Variants in UTRN observed in about 807,000 individuals in gnomAD.
UTRN encodes dystrophin-related protein 1.
A neutral mutation model predicts 463.9 loss-of-function variants in UTRN; 283 were observed. The ratio of observed to expected loss-of-function variants is 0.61; its 90% confidence interval spans 0.55 to 0.67. UTRN has a LOEUF of 0.67. Ranked by LOEUF, UTRN falls within the 30% of genes least tolerant of loss-of-function variation. The probability of loss-of-function intolerance (pLI) is 0.00; values close to 1 mark genes in which losing one functional copy is unlikely to be tolerated. For synonymous variants in UTRN, 1,442 were observed against 1,431.5 expected, an observed-to-expected ratio of 1.01 and a Z score of -0.17; for missense variants, 3,922 against 4,084.3, an observed-to-expected ratio of 0.96 and a Z score of 1.08.
intron 39 of UTRN, among the ~76,000 whole-genome samples, chr6:144,517,303 T>C (rs1278846281): frequency 6.6e-6 from 1 of 152,082 alleles, no homozygotes; most frequent in Non-Finnish European, 1.5e-5. Flanking sequence ...GTGAAAGTGA[T>C]GTAATATGAT....
rs559218969 is a variant in UTRN, at chr6:144,592,347, C to A, written c.7479+15059C>A. ...CATAACTGGACCAAAAGGACCAGAA[C>A]AATGAAAAGCTTTTTAAATTTTTAA... is the stretch of plus-strand genomic sequence containing the variant. On this transcript the variant is annotated intron_variant, in intron 51 of 74. Transcript: ENST00000367545. Among the ~76,000 whole-genome samples the A allele has an allele frequency of 5.9e-5, 9 of 152,040 alleles. 1 individual carries two copies. In the South Asian group the frequency reaches 1.7e-3, roughly 28 times the overall value.
At chr6:144,315,334 G>T (rs563658005) in intron 2 of UTRN, among the ~76,000 whole-genome samples, 65 of 152,284 alleles carry the variant, frequency 4.3e-4, no homozygotes, top group African/African-American at 1.4e-3. Flanking sequence ...GGGGCAGTAG[G>T]TCAGTCAGGG....
Position 144,554,910 on chromosome 6 carries a change from A to G in UTRN, c.7134+17A>G, listed in dbSNP as rs1250590372. On this transcript the variant is annotated intron_variant, in intron 49 of 74. Coordinates refer to ENST00000367545, the MANE Select transcript of UTRN (RefSeq NM_007124.3). ...GATAACCAAGTAAGACTCATCAGAT[A>G]TTTTTTGGCAGTATTGTTTTGTTGG... 1 of 1,612,978 alleles carries G rather than the reference A, an allele frequency of 6.2e-7. No individual in the cohort carries two copies. Among genetic ancestry groups the G allele is most frequent in the African/African-American group, 1.3e-5 (1 of 74,840 alleles).
At chr6:144,333,167 C>T (rs1776461441) in intron 2 of UTRN, 1 of 152,144 alleles carries the variant, frequency 6.6e-6, no homozygotes, top group Non-Finnish European at 1.5e-5. Context: ...TCTCGAACTC[C>T]TGACCTCAGG....
chr6:144,760,244 T>C (rs565804848), intron 58 of UTRN, among the ~76,000 whole-genome samples: 1 of 152,250 alleles, frequency 6.6e-6, no homozygotes, highest in East Asian at 1.9e-4. Context: ...AGAGTTCTTA[T>C]GGGGCAGATT....
At chr6:144,442,821 A>C (rs1275608562) in intron 13 of UTRN, among the ~76,000 whole-genome samples, 1 of 152,226 alleles carries the variant, frequency 6.6e-6, no homozygotes, top group Non-Finnish European at 1.5e-5. Context: ...CATATCACAC[A>C]GGAGCTGATC....
intron 51 of UTRN, among the ~76,000 whole-genome samples, chr6:144,598,620 A>T (rs7750421): frequency 0.038 from 5,734 of 152,298 alleles, 377 homozygotes; most frequent in African/African-American, 0.13. Context: ...GTATTTCAAA[A>T]TATGTCAAAG....
intron 61 of UTRN, among the ~76,000 whole-genome samples, chr6:144,787,950 C>T (rs1293209240): frequency 6.6e-6 from 1 of 151,910 alleles, no homozygotes; most frequent in Admixed American, 6.6e-5. Flanking sequence ...TGTGTTATTC[C>T]ATAGCAAGGA....
At chr6:144,607,613 G>C (rs2128640199) in intron 51 of UTRN, among the ~76,000 whole-genome samples, 1 of 152,276 alleles carries the variant, frequency 6.6e-6, no homozygotes, top group East Asian at 1.9e-4. Flanking sequence ...TTGAAACTTT[G>C]ATGACATTAT....
At chr6:144,705,626 C>G (rs73591971) in intron 53 of UTRN, among the ~76,000 whole-genome samples, 4 of 152,098 alleles carry the variant, frequency 2.6e-5, no homozygotes, top group Non-Finnish European at 5.9e-5. Flanking sequence ...CTCCCAATAC[C>G]ATCACTATGG....
chr6:144,540,207 C>T (rs192809400), intron 45 of UTRN, among the ~76,000 whole-genome samples: 3 of 150,052 alleles, frequency 2.0e-5, no homozygotes, highest in African/African-American at 7.3e-5. Context: ...AATATCTTTC[C>T]CTCCTACCAT....
intron 45 of UTRN, among the ~76,000 whole-genome samples, chr6:144,542,304 AT>A (rs1419680860): frequency 6.6e-6 from 1 of 152,182 alleles, no homozygotes; most frequent in Non-Finnish European, 1.5e-5. Flanking sequence ...GACTGAAGAT[AT>A]GTTTTGGGCA....
At chr6:144,371,712 A>G (rs1437840501) in intron 2 of UTRN, among the ~76,000 whole-genome samples, 3 of 150,200 alleles carry the variant, frequency 2.0e-5, no homozygotes, top group African/African-American at 7.4e-5. Context: ...CTGGCCGCAG[A>G]TTAACTTTTA....
rs779325268 is a variant in UTRN at position 144,474,584 on chromosome 6, T to A, written c.3181-20T>A. 6.2e-7 allele frequency: 1 copy of A among 1,603,714 alleles called. No homozygotes were observed. The highest frequency in any genetic ancestry group is 8.5e-7 in the Non-Finnish European group (1 of 1,175,650). ...CACTTATATAGTAATGAACTCAACA[T>A]GCATCTTTTATGTGTTTAGGCATTT... On this transcript the variant is annotated intron_variant, in intron 24 of 74. Coordinates refer to ENST00000367545, the MANE Select transcript of UTRN (RefSeq NM_007124.3).
chr6:144,495,417 C>T (rs1050479459), intron 33 of UTRN, among the ~76,000 whole-genome samples: 5 of 152,374 alleles, frequency 3.3e-5, no homozygotes, highest in Admixed American at 1.3e-4. Context: ...TGCCTGGGGC[C>T]GGCAGGGCCA....
At chr6:144,399,927 G>T (rs926606919) in intron 2 of UTRN, among the ~76,000 whole-genome samples, 3 of 152,176 alleles carry the variant, frequency 2.0e-5, no homozygotes, top group Admixed American at 6.5e-5. Context: ...AGCAGTGAAG[G>T]CCTTTGGATC....
intron 51 of UTRN, among the ~76,000 whole-genome samples, chr6:144,637,458 T>G (rs1462999233): frequency 6.6e-6 from 1 of 151,854 alleles, no homozygotes; most frequent in Non-Finnish European, 1.5e-5. Flanking sequence ...TTTTACACTA[T>G]GAAATAATGC....
In UTRN at chr6:144,421,980, T is replaced by A. The variant is rs910880814; in HGVS notation, c.234+10T>A. ...CACAGGAACATCACTGGTGAGCAAG[T>A]CATCTTTGTAAACAACGGAGTCTCC... On this transcript the variant is annotated intron_variant, in intron 4 of 74. Transcript: ENST00000367545. 1.2e-6 allele frequency: 2 copies of A among 1,604,996 alleles called. No individual in the cohort carries two copies. The highest frequency in any genetic ancestry group is 2.7e-5 in the African/African-American group (2 of 74,498).
At position 144,491,087 on chromosome 6, in the gene UTRN, C is replaced by G; in HGVS notation, c.4422C>G (p.His1474Gln). 1 of 1,607,364 alleles carries G rather than the reference C, an allele frequency of 6.2e-7. No homozygotes were observed. Among genetic ancestry groups the G allele is most frequent in the African/African-American group, 1.3e-5 (1 of 74,672 alleles). Reference protein sequence around the residue: ...KDVDPDVIQTHLDKCMKLYKT... With the variant: ...KDVDPDVIQTQLDKCMKLYKT... ...TAGACCCTGACGTCATACAGACGCACCTGGACAAGTGTATGGTGAGGCTTT... is the reference window on the plus strand; with the variant it reads ...TAGACCCTGACGTCATACAGACGCAGCTGGACAAGTGTATGGTGAGGCTTT... Residue 1474 changes from histidine to glutamine, a missense_variant, in exon 32 of 75, where the codon CAC (histidine) becomes CAG (glutamine). Physicochemically the swap from His to Gln is conservative, Grantham distance 24. Around this residue, in one of 3 missense-constraint regions of UTRN, gnomAD observed 2,349 missense variants for 2,303.8 expected, o/e 1.02. Coordinates refer to ENST00000367545, the MANE Select transcript of UTRN (RefSeq NM_007124.3).
Sources: gnomAD v4.1 joint callset for allele counts (sites outside exome capture counted in the v4.1 genomes callset) on GRCh38, gnomAD v4.1.1 for gene constraint, gnomAD v4.1.1 regional missense constraint, MANE v1.5 for transcripts, NCBI Gene and HGNC (gene_info 2026-07-23, HGNC 2026-07-21) for gene names.